COL25A1: variants seen among roughly 807,000 people sequenced by gnomAD.
COL25A1 encodes collagen alpha-1(XXV) chain.
COL25A1 carries 103 observed loss-of-function variants against 128.4 expected under a neutral mutation model. That is an observed-to-expected ratio of 0.80 (90% CI 0.68 to 0.94). The LOEUF is 0.94. COL25A1 is among the 40% of genes least tolerant of loss of function. COL25A1 has a pLI of 0.00. For synonymous variants in COL25A1, 279 were observed against 277.2 expected, an observed-to-expected ratio of 1.01 and a Z score of -0.06; for missense variants, 745 against 840.0, an observed-to-expected ratio of 0.89 and a Z score of 1.40.
chr4:108,926,173 T>C (rs980991090), intron 11 of COL25A1, among the ~76,000 whole-genome samples: 1 of 152,182 alleles, frequency 6.6e-6, no homozygotes, highest in African/African-American at 2.4e-5. Flanking sequence ...GATGCTGAGT[T>C]CCTAAATGAT....
chr4:109,264,950 T>C (rs541350795), intron 3 of COL25A1, among the ~76,000 whole-genome samples: 1 of 152,356 alleles, frequency 6.6e-6, no homozygotes, highest in South Asian at 2.1e-4. Context: ...AACACAGCCT[T>C]GCTAAAAGAA....
At chr4:109,273,374 A>C (rs1472022611) in intron 3 of COL25A1, among the ~76,000 whole-genome samples, 1 of 152,186 alleles carries the variant, frequency 6.6e-6, no homozygotes, top group African/African-American at 2.4e-5. Context: ...AATGTACCTG[A>C]AATTGCTAAG....
At chr4:108,837,440 T>C (rs567600322) in intron 31 of COL25A1, among the ~76,000 whole-genome samples, 2 of 152,176 alleles carry the variant, frequency 1.3e-5, no homozygotes, top group African/African-American at 4.8e-5. Flanking sequence ...TTAGTTGTTG[T>C]GGAAAGAAGG....
intron 3 of COL25A1, among the ~76,000 whole-genome samples, chr4:109,184,567 T>C (rs951999133): frequency 1.3e-5 from 2 of 152,296 alleles, no homozygotes; most frequent in East Asian, 1.9e-4. Flanking sequence ...GCCCTAGGAC[T>C]TAAGGCACAG....
chr4:109,298,323 G>A (rs1157365756), intron 3 of COL25A1, among the ~76,000 whole-genome samples: 1 of 152,140 alleles, frequency 6.6e-6, no homozygotes, highest in Non-Finnish European at 1.5e-5. Flanking sequence ...CACTGGGACT[G>A]AGTTCTATCA....
chr4:109,094,243 T>C (rs1355214636), intron 3 of COL25A1, among the ~76,000 whole-genome samples: 4 of 152,198 alleles, frequency 2.6e-5, no homozygotes, highest in African/African-American at 7.2e-5. Context: ...AGGCACATGA[T>C]GGATAAAAGA....
At chr4:109,157,257 C>A (rs2526440) in intron 3 of COL25A1, among the ~76,000 whole-genome samples, 1 of 151,930 alleles carries the variant, frequency 6.6e-6, no homozygotes, top group African/African-American at 2.4e-5. Context: ...TTACTGTGAT[C>A]TTTAAAATCT....
rs1379182170 is a variant in COL25A1 at position 109,127,950 on chromosome 4, TCTTTC to T, written c.368-77776_368-77772del. Among the ~76,000 whole-genome samples, 1,114 of 152,296 alleles carry T rather than the reference TCTTTC, an allele frequency of 7.3e-3. 5 individuals are homozygous for T. The highest frequency in any genetic ancestry group is 0.026 in the African/African-American group (1,067 of 41,564). On this transcript the variant is annotated intron_variant, in intron 3 of 37. Transcript: ENST00000399132. ...AACTAATGAGAAATGACAGAGTTAT[TCTTTC>T]CTATTGAGGCAGAGCAGGGACGCTC...
chr4:109,178,649 C>G (rs1774323860), intron 3 of COL25A1, among the ~76,000 whole-genome samples: 1 of 151,732 alleles, frequency 6.6e-6, no homozygotes, highest in Non-Finnish European at 1.5e-5. Flanking sequence ...ATGGTGAAAC[C>G]CCGTCTCTAC....
intron 3 of COL25A1, among the ~76,000 whole-genome samples, chr4:109,168,266 A>C (rs1456477307): frequency 6.6e-6 from 1 of 152,164 alleles, no homozygotes; most frequent in Non-Finnish European, 1.5e-5. Flanking sequence ...CTGGCTTTAA[A>C]ATCCTGATAA....
chr4:109,145,852 A>C (rs1434346427), intron 3 of COL25A1, among the ~76,000 whole-genome samples: 1 of 152,186 alleles, frequency 6.6e-6, no homozygotes, highest in Non-Finnish European at 1.5e-5. Flanking sequence ...AAAAAAATAA[A>C]ATAAATAAAA....
chr4:109,070,693 C>A (rs1281628096), intron 3 of COL25A1, among the ~76,000 whole-genome samples: 1 of 125,582 alleles, frequency 8.0e-6, no homozygotes, highest in Non-Finnish European at 1.6e-5. Flanking sequence ...CCCCTCCCCC[C>A]ACCCCACAAC....
intron 6 of COL25A1, among the ~76,000 whole-genome samples, chr4:108,999,980 G>T (rs1487947166): frequency 6.6e-6 from 1 of 152,080 alleles, no homozygotes; most frequent in Non-Finnish European, 1.5e-5. Flanking sequence ...GTGGGGGCCT[G>T]GGGGAGGGAT....
intron 5 of COL25A1, among the ~76,000 whole-genome samples, chr4:109,026,372 T>C (rs1451035082): frequency 1.3e-5 from 2 of 152,188 alleles, no homozygotes; most frequent in Non-Finnish European, 2.9e-5. Flanking sequence ...AAGGAGTCCA[T>C]TGCATTTAAC....
intron 3 of COL25A1, among the ~76,000 whole-genome samples, chr4:109,157,341 A>C (rs1183379128): frequency 1.3e-5 from 2 of 152,314 alleles, no homozygotes; most frequent in Admixed American, 6.5e-5. Context: ...TGCCAGTAAG[A>C]TCTTAACCAT....
intron 3 of COL25A1, among the ~76,000 whole-genome samples, chr4:109,142,903 T>C (rs1578273420): frequency 6.6e-6 from 1 of 152,226 alleles, no homozygotes; most frequent in Non-Finnish European, 1.5e-5. Context: ...ATATAGCCCA[T>C]TTACATTTAA....
At chr4:109,272,402 G>A (rs1782257227) in intron 3 of COL25A1, among the ~76,000 whole-genome samples, 1 of 152,102 alleles carries the variant, frequency 6.6e-6, no homozygotes, top group South Asian at 2.1e-4. Flanking sequence ...CCCTTTCAGA[G>A]CCAAATTTTA....
intron 3 of COL25A1, among the ~76,000 whole-genome samples, chr4:109,153,863 G>A (rs1382308668): frequency 1.3e-5 from 2 of 152,042 alleles, no homozygotes; most frequent in African/African-American, 2.4e-5. Context: ...ATCCCATAAG[G>A]TCAGTGTTAC....
intron 3 of COL25A1, among the ~76,000 whole-genome samples, chr4:109,203,749 A>C (rs886764062): frequency 1.3e-5 from 2 of 152,220 alleles, no homozygotes; most frequent in Admixed American, 6.6e-5. Context: ...GCAATGTTTA[A>C]TTCCAAGGGA....
Sources: gnomAD v4.1 joint callset for allele counts (sites outside exome capture counted in the v4.1 genomes callset) on GRCh38, gnomAD v4.1.1 for gene constraint, MANE v1.5 for transcripts, NCBI Gene and HGNC (gene_info 2026-07-23, HGNC 2026-07-21) for gene names.